LRSAM1: variants seen among roughly 807,000 people sequenced by gnomAD.
LRSAM1 encodes the protein E3 ubiquitin-protein ligase LRSAM1.
Under a neutral mutation model 118.1 loss-of-function variants are expected in LRSAM1, and 96 were observed. The ratio of observed to expected loss-of-function variants is 0.81; its 90% CI spans 0.69 to 0.96. The LOEUF (loss-of-function observed/expected upper bound fraction) is 0.96, where lower values mean the gene tolerates loss of function less well. LRSAM1 is among the 40% of genes least tolerant of loss of function. LRSAM1 has a pLI of 0.00. For missense variants in LRSAM1, 804 were observed against 915.5 expected (o/e 0.88, Z 1.57); for synonymous variants, 322 against 364.2 (o/e 0.88, Z 1.32).
intron 21 of LRSAM1, among the ~76,000 whole-genome samples, chr9:127,493,258 C>T (rs914703214): frequency 3.9e-5 from 6 of 152,054 alleles, no homozygotes; most frequent in African/African-American, 9.7e-5. Flanking sequence ...GATGGGGTTT[C>T]GCTATGTTGC....
intron 19 of LRSAM1, 82 bp downstream of exon 19, chr9:127,489,600 T>C (rs1167956341): frequency 1.4e-6 from 2 of 1,468,858 alleles, no homozygotes; most frequent in Admixed American, 2.0e-5. Flanking sequence ...GTCGCAGCAG[T>C]TGAGGTTTGA....
intron 16 of LRSAM1, among the ~76,000 whole-genome samples, chr9:127,483,951 C>T (rs896702622): frequency 2.0e-5 from 3 of 152,150 alleles, no homozygotes; most frequent in Admixed American, 6.5e-5. Context: ...CGTGAGCCAC[C>T]GTGCCTGGTC....
intron 24 of LRSAM1, among the ~76,000 whole-genome samples, chr9:127,499,648 T>C (rs1836296385): frequency 6.6e-6 from 1 of 152,000 alleles, no homozygotes; most frequent in Non-Finnish European, 1.5e-5. Context: ...TCTTTAGTTG[T>C]GGCCGGGTGC....
Position 127,487,781 on chromosome 9 carries a change from G to T in LRSAM1, c.1347+18G>T, listed in dbSNP as rs1234587331. On this transcript the variant is annotated intron_variant, in intron 18 of 25. Transcript: ENST00000300417. Reference sequence around the variant, plus strand: ...TGCAGGAGGTGAGCCCTCGCCCAGAGCCTGAGGGTGGGAGCTCAGGAGGGA... The same window carrying T: ...TGCAGGAGGTGAGCCCTCGCCCAGATCCTGAGGGTGGGAGCTCAGGAGGGA... 6.2e-7 allele frequency: 1 copy of T among 1,607,750 alleles called. No individual in the cohort carries two copies. The highest frequency in any genetic ancestry group is 8.5e-7 in the Non-Finnish European group (1 of 1,176,460).
chr9:127,466,504 A>ATATATATATATAT (rs1554755061), intron 9 of LRSAM1, among the ~76,000 whole-genome samples: 13 of 24,526 alleles, frequency 5.3e-4, no homozygotes, highest in Non-Finnish European at 7.3e-4. Flanking sequence ...ATATATATAT[A>ATATATATATATAT]TTTTTTTTTT....
At chr9:127,469,876 A>G (rs1375359302) in intron 10 of LRSAM1, among the ~76,000 whole-genome samples, 4 of 152,008 alleles carry the variant, frequency 2.6e-5, no homozygotes, top group Admixed American at 2.6e-4. Flanking sequence ...GAAGCAGGAG[A>G]ATGGCGTGAA....
intron 14 of LRSAM1, 74 bp downstream of exon 14, chr9:127,480,052 GT>G: frequency 6.3e-7 from 1 of 1,599,616 alleles, no homozygotes; most frequent in Non-Finnish European, 8.6e-7. Context: ...GGAGGAGTGT[GT>G]TTCTCCCTCA....
At chr9:127,478,082 C>T (rs911487170) in intron 11 of LRSAM1, among the ~76,000 whole-genome samples, 6 of 150,424 alleles carry the variant, frequency 4.0e-5, no homozygotes, top group Non-Finnish European at 3.0e-5. Flanking sequence ...AAGAACCTAA[C>T]TCTTGTGTAT....
At chr9:127,491,006 T>C (rs1163494173) in intron 19 of LRSAM1, among the ~76,000 whole-genome samples, 2 of 63,260 alleles carry the variant, frequency 3.2e-5, no homozygotes, top group African/African-American at 9.1e-5. Flanking sequence ...AGCACGTCCA[T>C]GCCCCAGGAA....
intron 10 of LRSAM1, among the ~76,000 whole-genome samples, chr9:127,472,044 C>T: frequency 6.6e-6 from 1 of 151,454 alleles, no homozygotes; most frequent in South Asian, 2.1e-4. Flanking sequence ...TCACTACAAC[C>T]TCTGCCTCCT....
intron 24 of LRSAM1, among the ~76,000 whole-genome samples, chr9:127,500,778 G>A (rs1256392114): frequency 2.6e-5 from 4 of 152,178 alleles, no homozygotes; most frequent in East Asian, 3.8e-4. Flanking sequence ...CAAGCGCTGC[G>A]GCCATCCCTG....
chr9:127,498,987 G>A (rs1400044091), intron 24 of LRSAM1, among the ~76,000 whole-genome samples: 1 of 151,920 alleles, frequency 6.6e-6, no homozygotes, highest in Non-Finnish European at 1.5e-5. Flanking sequence ...AACCCAGGAG[G>A]CGGAAGTTAC....
At position 127,451,587 on chromosome 9, in the gene LRSAM1, G is replaced by C. The variant is rs1310329836; in HGVS notation, c.-271G>C. ...GCTGAAGCTAGAGATTCCGAAAGGG[G>C]GTTCGGGTAGTTCGCTCCGGAGAAG... On this transcript the variant is annotated 5_prime_UTR_variant, in exon 1 of 26. Coordinates refer to ENST00000300417, the MANE Select transcript of LRSAM1 (RefSeq NM_001005373.4). The C allele has an allele frequency of 1.8e-6, 1 of 549,522 alleles. No homozygotes were observed. The highest frequency in any genetic ancestry group is 3.3e-6 in the Non-Finnish European group (1 of 304,812). The allele number at this position is 549,522 out of a possible 1,614,324, so 34.0% of individuals were successfully genotyped here.
At chr9:127,456,524 C>T (rs1440003856) in intron 5 of LRSAM1, among the ~76,000 whole-genome samples, 1 of 152,150 alleles carries the variant, frequency 6.6e-6, no homozygotes, top group Non-Finnish European at 1.5e-5. Context: ...AGCCACCACG[C>T]CCAGTCTGTG....
At chr9:127,493,984 C>G (rs1449381309) in intron 21 of LRSAM1, among the ~76,000 whole-genome samples, 6 of 152,252 alleles carry the variant, frequency 3.9e-5, no homozygotes, top group Admixed American at 1.3e-4. Context: ...CTGTGCCCAT[C>G]AGAGGAAGCT....
intron 10 of LRSAM1, among the ~76,000 whole-genome samples, chr9:127,472,392 A>G (rs768499549): frequency 3.9e-5 from 6 of 152,164 alleles, no homozygotes; most frequent in Non-Finnish European, 7.3e-5. Context: ...CTATAATCCC[A>G]TAACTTTGGG....
intron 19 of LRSAM1, among the ~76,000 whole-genome samples, chr9:127,490,822 T>C (rs1336571182): frequency 1.3e-5 from 2 of 152,168 alleles, no homozygotes; most frequent in African/African-American, 4.8e-5. Flanking sequence ...GCAACAGCGA[T>C]GCGAGGGACA....
At chr9:127,464,523 T>A (rs1834862674) in intron 9 of LRSAM1, among the ~76,000 whole-genome samples, 1 of 152,184 alleles carries the variant, frequency 6.6e-6, no homozygotes, top group African/African-American at 2.4e-5. Flanking sequence ...TTTCATTGAA[T>A]TTTAATTAAT....
intron 1 of LRSAM1, 72 bp downstream of exon 1, chr9:127,451,741 T>G: frequency 1.9e-5 from 4 of 207,680 alleles, no homozygotes; most frequent in East Asian, 1.1e-4. Flanking sequence ...CGTAGTCCCA[T>G]TCCGAGACCC....
Sources: gnomAD v4.1 joint callset for allele counts (sites outside exome capture counted in the v4.1 genomes callset) on GRCh38, gnomAD v4.1.1 for gene constraint, MANE v1.5 for transcripts, NCBI Gene and HGNC (gene_info 2026-07-23, HGNC 2026-07-21) for gene names.